Variants in DIP2C observed in about 807,000 individuals in gnomAD.
The protein encoded by DIP2C is disco-interacting protein 2 homolog C.
Under a neutral mutation model 192.4 loss-of-function variants are expected in DIP2C, and 33 were observed. The ratio of observed to expected loss-of-function variants is 0.17; its 90% confidence interval spans 0.13 to 0.23. The LOEUF is 0.23. DIP2C is among the 10% of genes least tolerant of loss of function. The pLI, the probability that DIP2C is intolerant of heterozygous loss-of-function variation, is 1.00. For missense variants in DIP2C, 1,537 were observed against 2,110.1 expected (o/e 0.73, Z 5.32); for synonymous variants, 979 against 864.1 (o/e 1.13, Z -2.33).
At chr10:530,733 A>G (rs1393297858) in intron 1 of DIP2C, among the ~76,000 whole-genome samples, 2 of 152,016 alleles carry the variant, frequency 1.3e-5, no homozygotes, top group Non-Finnish European at 2.9e-5. Context: ...CTATGTCAAC[A>G]TGGCACCCCC....
chr10:370,184 G>T, intron 17 of DIP2C: 1 of 480,054 alleles, frequency 2.1e-6, no homozygotes, highest in Non-Finnish European at 2.7e-6. Flanking sequence ...CATTGTGGCT[G>T]CCAAGTTCTA....
At position 391,512 on chromosome 10, in the gene DIP2C, C is replaced by T. The variant is rs535156542; in HGVS notation, c.1261-649G>A. ...CAGCTCCGGTTTGGGAAGGTCAGAC[C>T]TGAACAGACCTACGCCAGTCGTCAC... On this transcript the variant is annotated intron_variant, in intron 10 of 36. Transcript: ENST00000280886. 2.2e-4 allele frequency among the ~76,000 whole-genome samples: 34 copies of T among 152,364 alleles called. No homozygotes were observed. In the East Asian group the frequency reaches 6.0e-3, roughly 27 times the overall value.
intron 1 of DIP2C, among the ~76,000 whole-genome samples, chr10:611,575 C>T (rs1011793306): frequency 6.6e-6 from 1 of 152,222 alleles, no homozygotes; most frequent in African/African-American, 2.4e-5. Context: ...CTGAAACAGC[C>T]TCCCACCAGG....
chr10:449,842 A>G (rs1410757766), intron 3 of DIP2C, among the ~76,000 whole-genome samples: 1 of 151,766 alleles, frequency 6.6e-6, no homozygotes, highest in African/African-American at 2.4e-5. Flanking sequence ...AGAAAATATT[A>G]ATAAACTATT....
At chr10:511,070 T>G (rs928558281) in intron 1 of DIP2C, among the ~76,000 whole-genome samples, 18 of 152,244 alleles carry the variant, frequency 1.2e-4, no homozygotes, top group Admixed American at 6.5e-5. Context: ...ACGTAAGTCT[T>G]TCTTGCCATG....
At chr10:661,949 C>T in intron 1 of DIP2C, 3 of 695,690 alleles carry the variant, frequency 4.3e-6, no homozygotes, top group South Asian at 1.5e-5. Flanking sequence ...CCCTCTTCCC[C>T]TCCTGACCCA....
intron 1 of DIP2C, among the ~76,000 whole-genome samples, chr10:566,060 A>G (rs1564205505): frequency 6.6e-6 from 1 of 152,252 alleles, no homozygotes; most frequent in African/African-American, 2.4e-5. Flanking sequence ...AGAAAAAACA[A>G]AACAAAAAAA....
At chr10:649,096 CCA>C (rs1855691907) in intron 1 of DIP2C, among the ~76,000 whole-genome samples, 1 of 149,508 alleles carries the variant, frequency 6.7e-6, no homozygotes, top group Admixed American at 6.7e-5. Flanking sequence ...GAGTCCACGT[CCA>C]CATTGGACGG....
intron 29 of DIP2C, among the ~76,000 whole-genome samples, chr10:333,047 C>A (rs901685469): frequency 6.6e-6 from 1 of 152,156 alleles, no homozygotes; most frequent in African/African-American, 2.4e-5. Context: ...GGATGACAGG[C>A]GTGTGCCACC....
intron 6 of DIP2C, among the ~76,000 whole-genome samples, chr10:418,625 A>G (rs1466169731): frequency 6.6e-6 from 1 of 152,206 alleles, no homozygotes; most frequent in East Asian, 1.9e-4. Flanking sequence ...ACGTGGATAA[A>G]AAGACCCTCT....
At chr10:456,009 A>G (rs760465194) in intron 3 of DIP2C, among the ~76,000 whole-genome samples, 1 of 40,588 alleles carries the variant, frequency 2.5e-5, no homozygotes. Flanking sequence ...CTGAGGGGAG[A>G]CTGTGAGGAA....
chr10:642,387 C>A (rs982733885), intron 1 of DIP2C, among the ~76,000 whole-genome samples: 1 of 152,238 alleles, frequency 6.6e-6, no homozygotes, highest in African/African-American at 2.4e-5. Flanking sequence ...AGGGCCACAT[C>A]GCCCTAAACA....
chr10:354,756 G>A (rs553442864), intron 24 of DIP2C, among the ~76,000 whole-genome samples: 1 of 152,142 alleles, frequency 6.6e-6, no homozygotes, highest in East Asian at 1.9e-4. Context: ...GAAGGGATCT[G>A]GGGTGCCGAA....
intron 2 of DIP2C, among the ~76,000 whole-genome samples, chr10:476,740 C>T (rs150668673): frequency 2.6e-3 from 401 of 152,278 alleles, no homozygotes; most frequent in Non-Finnish European, 4.7e-3. Context: ...ATCTCTGTTA[C>T]AAGAACAAAA....
chr10:361,241 A>G (rs1240041480), intron 22 of DIP2C, among the ~76,000 whole-genome samples: 1 of 152,168 alleles, frequency 6.6e-6, no homozygotes, highest in Non-Finnish European at 1.5e-5. Flanking sequence ...TATTAGAGTA[A>G]AAAGATTTCC....
At chr10:359,248 C>T (rs147913206) in intron 22 of DIP2C, among the ~76,000 whole-genome samples, 42 of 152,308 alleles carry the variant, frequency 2.8e-4, no homozygotes, top group African/African-American at 1.0e-3. Context: ...TAGCCGGCCC[C>T]CAGGGAGAGC....
chr10:528,222 C>G (rs906119305), intron 1 of DIP2C, among the ~76,000 whole-genome samples: 2 of 152,162 alleles, frequency 1.3e-5, no homozygotes, highest in Non-Finnish European at 2.9e-5. Context: ...AGTCAGGAGC[C>G]ATTCATGCCT....
chr10:540,343 C>T (rs1050951534), intron 1 of DIP2C, among the ~76,000 whole-genome samples: 6 of 152,250 alleles, frequency 3.9e-5, no homozygotes, highest in Admixed American at 6.5e-5. Context: ...GGGCAAGTGC[C>T]CCCGTCACAG....
intron 1 of DIP2C, 43 bp from the exon 2 acceptor site, chr10:486,573 T>A: frequency 6.6e-7 from 1 of 1,515,626 alleles, no homozygotes; most frequent in Non-Finnish European, 9.0e-7. Context: ...TCTCCGTGGA[T>A]AGAGCATTAT....
Sources: allele counts gnomAD v4.1 joint callset (sites outside exome capture counted in the v4.1 genomes callset), GRCh38; gene constraint gnomAD v4.1.1; transcripts MANE v1.5; gene names NCBI Gene and HGNC (gene_info 2026-07-23, HGNC 2026-07-21).